Variants in RARB observed in about 807,000 individuals in gnomAD.
The protein encoded by RARB is HBV-activated protein.
In RARB, 17 loss-of-function variants were observed where a neutral mutation model predicts 51.9. The ratio of observed to expected loss-of-function variants is 0.33; its 90% CI spans 0.22 to 0.49. The LOEUF (loss-of-function observed/expected upper bound fraction) is 0.49, where lower values mean the gene tolerates loss of function less well. Ranked by LOEUF, RARB falls within the 20% of genes least tolerant of loss-of-function variation. The pLI is 0.99. For missense variants in RARB, 369 were observed against 550.8 expected, an observed-to-expected ratio of 0.67 and a Z score of 3.30; for synonymous variants, 215 against 195.4, an observed-to-expected ratio of 1.10 and a Z score of -0.84.
intron 2 of RARB, among the ~76,000 whole-genome samples, chr3:24,997,776 T>G (rs1422026819): frequency 3.3e-5 from 5 of 152,152 alleles, no homozygotes; most frequent in Non-Finnish European, 5.9e-5. Flanking sequence ...CAGCATAAAT[T>G]TTTTAAATTC....
chr3:24,844,455 C>T (rs1345492664), intron 1 of RARB, among the ~76,000 whole-genome samples: 1 of 152,168 alleles, frequency 6.6e-6, no homozygotes, highest in African/African-American at 2.4e-5. Context: ...GTCTCAAAAT[C>T]TCTATCGGTT....
intron 5 of RARB, among the ~76,000 whole-genome samples, chr3:25,371,635 C>T (rs781689432): frequency 1.2e-4 from 19 of 152,318 alleles, no homozygotes; most frequent in South Asian, 4.1e-4. Context: ...TTTAAATAAA[C>T]GCTCGCCCTG....
At chr3:25,547,399 T>C (rs1183510879) in intron 3 of RARB, among the ~76,000 whole-genome samples, 1 of 152,198 alleles carries the variant, frequency 6.6e-6, no homozygotes, top group African/African-American at 2.4e-5. Context: ...TGTCAAGTAC[T>C]TGGCCCTGGT....
chr3:25,293,206 A>C (rs549312922), intron 5 of RARB, among the ~76,000 whole-genome samples: 1 of 152,228 alleles, frequency 6.6e-6, no homozygotes, highest in African/African-American at 2.4e-5. Flanking sequence ...ACTGTAGTTA[A>C]AAATGTGGGC....
In RARB at chr3:25,428,502, G is replaced by C; in HGVS notation, c.-230G>C. The C allele has an allele frequency of 1.6e-6, 2 of 1,263,990 alleles. No individual in the cohort carries two copies. The highest frequency in any genetic ancestry group is 2.0e-6 in the Non-Finnish European group (2 of 1,005,836). The allele number at this position is 1,263,990 out of a possible 1,614,324, so 78.3% of individuals were successfully genotyped here. A position where few individuals can be genotyped will look rare whatever the true frequency, so the allele number is the denominator to read the frequency against. On this transcript the variant is annotated 5_prime_UTR_variant, in exon 1 of 8. Coordinates refer to ENST00000330688, the MANE Select transcript of RARB (RefSeq NM_000965.5). ...ATCTTTCTGGGAACCCCCCGCCCCG[G>C]CTGGATTGGCCGAGCAAGCCTGGAA...
At chr3:25,194,850 T>C (rs188182600) in intron 5 of RARB, among the ~76,000 whole-genome samples, 1 of 152,116 alleles carries the variant, frequency 6.6e-6, no homozygotes, top group African/African-American at 2.4e-5. Flanking sequence ...ATGGCCGCTC[T>C]GGTCTGTGCC....
chr3:25,455,680 C>G (rs1195247895), intron 1 of RARB, among the ~76,000 whole-genome samples: 1 of 152,198 alleles, frequency 6.6e-6, no homozygotes, highest in Non-Finnish European at 1.5e-5. Context: ...CTGGTGCTGA[C>G]TGTGCTCTGG....
chr3:24,952,873 G>A (rs990856280), intron 2 of RARB, among the ~76,000 whole-genome samples: 2 of 142,274 alleles, frequency 1.4e-5, no homozygotes, highest in African/African-American at 5.2e-5. Context: ...AGTAAAACTG[G>A]TATTTTTTTT....
At position 25,205,483 on chromosome 3, in the gene RARB, G is replaced by A. The variant is rs185595742; in HGVS notation, c.178+30908G>A. Reference sequence around the variant, plus strand: ...GTGAGATGCACCTGGTACCTCAGTTGGAAATGCAGAAATAATTTGTCTTCT... The same window carrying A: ...GTGAGATGCACCTGGTACCTCAGTTAGAAATGCAGAAATAATTTGTCTTCT... On this transcript the variant is annotated intron_variant, in intron 5 of 11. Coordinates refer to the RARB transcript ENST00000383772. 2.8e-3 allele frequency among the ~76,000 whole-genome samples: 426 copies of A among 152,206 alleles called. 4 individuals carry two copies. Among genetic ancestry groups the A allele is most frequent in the African/African-American group, 0.01 (416 of 41,528 alleles).
intron 2 of RARB, among the ~76,000 whole-genome samples, chr3:24,947,224 T>C (rs1695794524): frequency 6.6e-6 from 1 of 152,238 alleles, no homozygotes; most frequent in African/African-American, 2.4e-5. Flanking sequence ...GTTTATCTTC[T>C]ATGTCTTACT....
chr3:24,864,574 T>C (rs568923027), intron 2 of RARB, among the ~76,000 whole-genome samples: 2 of 152,330 alleles, frequency 1.3e-5, no homozygotes, highest in African/African-American at 4.8e-5. Flanking sequence ...CCAAACTCAG[T>C]TTACTCTTCA....
At chr3:25,360,207 T>C (rs1398916548) in intron 5 of RARB, among the ~76,000 whole-genome samples, 2 of 152,222 alleles carry the variant, frequency 1.3e-5, no homozygotes, top group Non-Finnish European at 2.9e-5. Flanking sequence ...TCTTGTTGTG[T>C]TGATCCCTTT....
In RARB at chr3:25,428,411, C is replaced by T. The variant is rs769499640; in HGVS notation, c.-321C>T. On this transcript the variant is annotated 5_prime_UTR_variant, in exon 1 of 8. Coordinates refer to ENST00000330688, the MANE Select transcript of RARB (RefSeq NM_000965.5). ...CGAGCAGGGTTTGTCTGGGCACCGTCGGGGTAGGATCCGGAACGCATTCGG... is the reference window on the plus strand; with the variant it reads ...CGAGCAGGGTTTGTCTGGGCACCGTTGGGGTAGGATCCGGAACGCATTCGG... 2 of 1,268,550 alleles carry T rather than the reference C, an allele frequency of 1.6e-6. No individual in the cohort carries two copies. Among genetic ancestry groups the T allele is most frequent in the Non-Finnish European group, 2.0e-6 (2 of 1,009,262 alleles). The allele number at this position is 1,268,550 out of a possible 1,614,324, so 78.6% of individuals were successfully genotyped here. A position where few individuals can be genotyped will look rare whatever the true frequency, so the allele number is the denominator to read the frequency against.
intron 4 of RARB, among the ~76,000 whole-genome samples, chr3:25,149,621 T>G (rs1032738428): frequency 6.6e-6 from 1 of 152,186 alleles, no homozygotes; most frequent in African/African-American, 2.4e-5. Flanking sequence ...CCTCTACTAT[T>G]TAAATTGTTT....
chr3:24,856,883 A>G (rs547737999), intron 1 of RARB, among the ~76,000 whole-genome samples: 1 of 152,244 alleles, frequency 6.6e-6, no homozygotes, highest in African/African-American at 2.4e-5. Context: ...TCCTCTTTTC[A>G]CATTGAAATG....
At chr3:24,896,902 A>T (rs1240002064) in intron 2 of RARB, among the ~76,000 whole-genome samples, 1 of 152,314 alleles carries the variant, frequency 6.6e-6, no homozygotes, top group East Asian at 1.9e-4. Flanking sequence ...TAATGGACAC[A>T]TTAAACTTGC....
At chr3:25,390,670 A>G (rs553020327) in intron 5 of RARB, among the ~76,000 whole-genome samples, 6 of 152,314 alleles carry the variant, frequency 3.9e-5, no homozygotes, top group African/African-American at 1.4e-4. Flanking sequence ...TATCATATTT[A>G]TCAAGTTTGG....
intron 2 of RARB, among the ~76,000 whole-genome samples, chr3:24,918,471 T>C (rs1016831702): frequency 6.6e-6 from 1 of 151,972 alleles, no homozygotes; most frequent in Non-Finnish European, 1.5e-5. Flanking sequence ...AAAACTTGAG[T>C]GTGATGATGG....
At chr3:24,998,839 A>G (rs1450845287) in intron 2 of RARB, among the ~76,000 whole-genome samples, 1 of 152,068 alleles carries the variant, frequency 6.6e-6, no homozygotes, top group African/African-American at 2.4e-5. Context: ...GTTGGTGCCA[A>G]TTTTATAACA....
Sources: gnomAD v4.1 joint callset for allele counts (sites outside exome capture counted in the v4.1 genomes callset) on GRCh38, gnomAD v4.1.1 for gene constraint, MANE v1.5 for transcripts, NCBI Gene and HGNC (gene_info 2026-07-23, HGNC 2026-07-21) for gene names.